KHDRBS2: variants seen among roughly 807,000 people sequenced by gnomAD.
KHDRBS2 encodes KH domain-containing, RNA-binding, signal transduction-associated protein 2.
In KHDRBS2, 26 loss-of-function variants were observed where a neutral mutation model predicts 44.3. That is an observed-to-expected ratio of 0.59 (90% confidence interval 0.43 to 0.81). The LOEUF is 0.81. Among genes scored for constraint, KHDRBS2 ranks in the 40% least tolerant of loss-of-function variants. KHDRBS2 has a pLI of 0.00. For missense variants in KHDRBS2, 476 were observed against 433.1 expected (o/e 1.10, Z -0.88); for synonymous variants, 194 against 151.1 (o/e 1.28, Z -2.08).
At chr6:62,106,085 G>A (rs1275373592) in intron 2 of KHDRBS2, among the ~76,000 whole-genome samples, 1 of 152,200 alleles carries the variant, frequency 6.6e-6, no homozygotes, top group African/African-American at 2.4e-5. Context: ...CAGTTGAGCA[G>A]TTTTGAGTGA....
the KHDRBS2 span, among the ~76,000 whole-genome samples, chr6:61,589,092 G>A: frequency 3.0e-3 from 457 of 152,164 alleles, 4 homozygotes; most frequent in African/African-American, 0.011. Context: ...GGGGCAAAGG[G>A]AAGGAGAGCA....
chr6:62,145,913 C>T (rs1429566700), intron 2 of KHDRBS2, among the ~76,000 whole-genome samples: 2 of 151,702 alleles, frequency 1.3e-5, no homozygotes, highest in Non-Finnish European at 2.9e-5. Context: ...ATATATGAAA[C>T]ATAAATGAAT....
intron 2 of KHDRBS2, among the ~76,000 whole-genome samples, chr6:62,057,926 C>T (rs1486559563): frequency 6.6e-6 from 1 of 151,660 alleles, no homozygotes; most frequent in East Asian, 1.9e-4. Flanking sequence ...AAGTGTCAGG[C>T]CATTTTAAGA....
chr6:61,706,320 A>G (rs1173095212), intron 7 of KHDRBS2, among the ~76,000 whole-genome samples: 2 of 151,828 alleles, frequency 1.3e-5, no homozygotes, highest in East Asian at 3.9e-4. Context: ...CACAACTTCA[A>G]TAAGAGTCAA....
the KHDRBS2 span, among the ~76,000 whole-genome samples, chr6:61,589,470 T>A: frequency 6.6e-6 from 1 of 152,218 alleles, no homozygotes; most frequent in African/African-American, 2.4e-5. Flanking sequence ...AATAAGGTTT[T>A]TTTATTGTTT....
At chr6:61,714,117 A>G (rs1470386319) in intron 7 of KHDRBS2, among the ~76,000 whole-genome samples, 1 of 151,938 alleles carries the variant, frequency 6.6e-6, no homozygotes, top group Non-Finnish European at 1.5e-5. Flanking sequence ...AACCTGCAGA[A>G]TGGGAGAAAA....
chr6:62,251,423 T>C (rs2150174952), intron 1 of KHDRBS2, among the ~76,000 whole-genome samples: 1 of 152,064 alleles, frequency 6.6e-6, no homozygotes, highest in South Asian at 2.1e-4. Flanking sequence ...GCAATTTCCA[T>C]CTAAGTTTGC....
chr6:61,710,594 T>C (rs1770332721), intron 7 of KHDRBS2, among the ~76,000 whole-genome samples: 1 of 151,310 alleles, frequency 6.6e-6, no homozygotes. Flanking sequence ...TGTCCCTAAC[T>C]ATGGTAATCT....
intron 3 of KHDRBS2, among the ~76,000 whole-genome samples, chr6:62,011,828 T>C (rs749443639): frequency 1.3e-5 from 2 of 152,192 alleles, no homozygotes; most frequent in Non-Finnish European, 2.9e-5. Context: ...TTCATTCACG[T>C]TCACTTTATT....
intron 7 of KHDRBS2, among the ~76,000 whole-genome samples, chr6:61,708,226 C>T: frequency 6.6e-6 from 1 of 151,508 alleles, no homozygotes; most frequent in East Asian, 1.9e-4. Flanking sequence ...CACATCAACC[C>T]TTTAAACTCC....
rs1489814730 is a variant in KHDRBS2 at position 62,074,745 on chromosome 6, T to C, written c.220-26751A>G. Among the ~76,000 whole-genome samples the C allele has an allele frequency of 3.9e-5, 6 of 152,020 alleles. No individual in the cohort carries two copies. In the East Asian group the frequency reaches 1.2e-3, roughly 30 times the overall value. On this transcript the variant is annotated intron_variant, in intron 2 of 8. Coordinates refer to ENST00000281156, the MANE Select transcript of KHDRBS2 (RefSeq NM_152688.4). ...TCAAACATGCTCTTTTACCTCCTTC[T>C]ATAACTGCTATTAGACTTGAGCTAA...
chr6:61,894,167 C>G (rs1215686252), intron 6 of KHDRBS2, among the ~76,000 whole-genome samples: 1 of 151,986 alleles, frequency 6.6e-6, no homozygotes, highest in Non-Finnish European at 1.5e-5. Context: ...TTATGCCAAT[C>G]CACATCTTTA....
chr6:62,250,709 G>A (rs1836377731), intron 1 of KHDRBS2, among the ~76,000 whole-genome samples: 2 of 151,920 alleles, frequency 1.3e-5, no homozygotes, highest in Non-Finnish European at 2.9e-5. Context: ...CTAAATCTAG[G>A]AGAAACTAGA....
chr6:61,547,148 A>G, the KHDRBS2 span, among the ~76,000 whole-genome samples: 3 of 152,144 alleles, frequency 2.0e-5, no homozygotes, highest in Admixed American at 2.0e-4. Flanking sequence ...GAGAATGTGC[A>G]AACTCCACAC....
chr6:61,930,009 A>G (rs1444950755), intron 4 of KHDRBS2, among the ~76,000 whole-genome samples: 1 of 152,156 alleles, frequency 6.6e-6, no homozygotes, highest in African/African-American at 2.4e-5. Context: ...AAGGCCTTAA[A>G]GAGGTGATTA....
chr6:62,142,998 T>C (rs1451945763), intron 2 of KHDRBS2, among the ~76,000 whole-genome samples: 3 of 149,260 alleles, frequency 2.0e-5, no homozygotes, highest in African/African-American at 5.1e-5. Context: ...ACATAGGTTT[T>C]AAGTTTGTAT....
intron 6 of KHDRBS2, among the ~76,000 whole-genome samples, chr6:61,887,696 T>TAATAAATA: frequency 6.6e-6 from 1 of 152,306 alleles, no homozygotes; most frequent in South Asian, 2.1e-4. Flanking sequence ...GAGGGATTTA[T>TAATAAATA]AATAAAAGGA....
intron 6 of KHDRBS2, among the ~76,000 whole-genome samples, chr6:61,876,959 A>C (rs1447097334): frequency 6.6e-6 from 1 of 152,078 alleles, no homozygotes; most frequent in East Asian, 1.9e-4. Flanking sequence ...TATACATTAG[A>C]CTGGGAGTTG....
intron 4 of KHDRBS2, among the ~76,000 whole-genome samples, chr6:61,942,142 A>G (rs1411883988): frequency 6.6e-6 from 1 of 151,996 alleles, no homozygotes; most frequent in Non-Finnish European, 1.5e-5. Flanking sequence ...AGAAAAATGT[A>G]GAGACAGAGT....
Sources: gnomAD v4.1 joint callset for allele counts (sites outside exome capture counted in the v4.1 genomes callset) on GRCh38, gnomAD v4.1.1 for gene constraint, MANE v1.5 for transcripts, NCBI Gene and HGNC (gene_info 2026-07-23, HGNC 2026-07-21) for gene names.